SLC1A2: variants seen among roughly 807,000 people sequenced by gnomAD.
The protein encoded by SLC1A2 is solute carrier family 1 member 2.
A neutral mutation model predicts 48.8 loss-of-function variants in SLC1A2; 15 were observed. That is an observed-to-expected ratio of 0.31 (90% CI 0.21 to 0.47). The LOEUF (loss-of-function observed/expected upper bound fraction) is 0.47, where lower values mean the gene tolerates loss of function less well. SLC1A2 is among the 20% of genes least tolerant of loss of function. The probability of loss-of-function intolerance (pLI) is 0.99; values close to 1 mark genes in which losing one functional copy is unlikely to be tolerated. For synonymous variants in SLC1A2, 279 were observed against 272.6 expected, an observed-to-expected ratio of 1.02 and a Z score of -0.23; for missense variants, 502 against 730.5, an observed-to-expected ratio of 0.69 and a Z score of 3.61.
chr11:35,343,379 G>T (rs901495150), intron 1 of SLC1A2, among the ~76,000 whole-genome samples: 5 of 152,168 alleles, frequency 3.3e-5, no homozygotes, highest in African/African-American at 1.2e-4. Context: ...ACCATATTTG[G>T]TGTAAAAATG....
rs571698145 is a variant in SLC1A2 at position 35,282,821 on chromosome 11, C to T, written c.1287-1820G>A. ...CAAAGTCTTAGAAAGATAATTCTTC[C>T]TGGAAGTTGCTTTCCCCTCTTGTCC... On this transcript the variant is annotated intron_variant, in intron 8 of 10. Transcript: ENST00000278379. 3.3e-5 allele frequency among the ~76,000 whole-genome samples: 5 copies of T among 152,286 alleles called. No individual in the cohort carries two copies. The East Asian group carries it at 9.6e-4, about 29-fold the overall frequency.
intron 1 of SLC1A2, among the ~76,000 whole-genome samples, chr11:35,362,359 A>C (rs1853712553): frequency 6.6e-6 from 1 of 152,206 alleles, no homozygotes; most frequent in Non-Finnish European, 1.5e-5. Flanking sequence ...ACTGTTCTTC[A>C]GTTGGTTCCT....
intron 1 of SLC1A2, among the ~76,000 whole-genome samples, chr11:35,333,658 C>T (rs1852508759): frequency 6.6e-6 from 1 of 150,854 alleles, no homozygotes; most frequent in Admixed American, 6.6e-5. Context: ...GTAAGTTTTT[C>T]TTTCTCTTTT....
At position 35,317,469 on chromosome 11, in the gene SLC1A2, T is replaced by A. The variant is rs1245610941; in HGVS notation, c.65A>T (p.His22Leu). Residue 22 changes from histidine (H) to leucine (L), a missense_variant, in exon 2 of 11, where the codon CAT becomes CTT. His to Leu is a moderately conservative substitution (Grantham distance 99, BLOSUM62 -3). This residue lies in a region of SLC1A2 where 89 missense variants were observed against 119.7 expected (regional missense o/e 0.74). Coordinates refer to ENST00000278379, the MANE Select transcript of SLC1A2 (RefSeq NM_004171.4). Reference protein sequence around the residue: ...KQVEVRMHDSHLGSEEPKHRH... With the variant: ...KQVEVRMHDSLLGSEEPKHRH... ...GTGCTTGGGTTCCTCTGAGCCAAGA[T>A]GACTGTCGTGCATTCGCACTTCCAC... The A allele has an allele frequency of 2.5e-6, 4 of 1,614,196 alleles. No individual in the cohort carries two copies. The South Asian group carries it at 3.3e-5, about 13-fold the overall frequency.
intron 1 of SLC1A2, among the ~76,000 whole-genome samples, chr11:35,352,613 G>A (rs181035265): frequency 8.5e-5 from 13 of 152,256 alleles, no homozygotes; most frequent in African/African-American, 1.9e-4. Flanking sequence ...CAAAGGAGTG[G>A]CACAATTTCT....
At chr11:35,415,560 T>C (rs1273641495) in intron 1 of SLC1A2, among the ~76,000 whole-genome samples, 2 of 152,244 alleles carry the variant, frequency 1.3e-5, no homozygotes, top group Admixed American at 1.3e-4. Context: ...GTCCACGCTG[T>C]AGGGTCTTCC....
chr11:35,288,345 C>T (rs1306065951), intron 7 of SLC1A2, among the ~76,000 whole-genome samples: 1 of 152,174 alleles, frequency 6.6e-6, no homozygotes, highest in African/African-American at 2.4e-5. Context: ...TGTTGGGGGA[C>T]ATCTCATAAC....
At chr11:35,313,045 C>T (rs368687932) in intron 3 of SLC1A2, among the ~76,000 whole-genome samples, 9 of 152,130 alleles carry the variant, frequency 5.9e-5, no homozygotes, top group East Asian at 5.8e-4. Context: ...TTGAAGACAT[C>T]CCATTTTTAA....
At chr11:35,398,593 G>A (rs1855044577) in intron 1 of SLC1A2, among the ~76,000 whole-genome samples, 1 of 152,100 alleles carries the variant, frequency 6.6e-6, no homozygotes, top group Non-Finnish European at 1.5e-5. Context: ...GAAATAACCT[G>A]TATACCAAAC....
chr11:35,257,716 G>C lies in SLC1A2; in HGVS notation c.*3178C>G, dbSNP rs1950331896. 1 of 152,190 alleles carries C rather than the reference G, an allele frequency of 6.6e-6. No individual in the cohort carries two copies. Among genetic ancestry groups the C allele is most frequent in the Admixed American group, 6.5e-5 (1 of 15,278 alleles). 9.4% of individuals were successfully genotyped at this position (152,190 alleles called of 1,614,324 possible). On this transcript the variant is annotated 3_prime_UTR_variant, in exon 11 of 11. Coordinates refer to ENST00000278379, the MANE Select transcript of SLC1A2 (RefSeq NM_004171.4). ...TGGGTTTCTCAAAGGGCAAGAATGA[G>C]AAAGAGAAGAATTAAAGTCTACTTA... is the stretch of plus-strand genomic sequence containing the variant.
intron 1 of SLC1A2, chr11:35,380,211 A>C (rs1427761658): frequency 7.6e-6 from 3 of 396,228 alleles, no homozygotes; most frequent in Non-Finnish European, 8.9e-6. Context: ...TGCAATGCCA[A>C]TACCCTCAGC....
chr11:35,286,504 A>T (rs938670512), intron 8 of SLC1A2: 36 of 318,198 alleles, frequency 1.1e-4, no homozygotes, highest in African/African-American at 7.3e-4. Context: ...CCATCACAGG[A>T]TTGCTAAAAA....
chr11:35,413,246 C>T (rs1025543964), intron 1 of SLC1A2, among the ~76,000 whole-genome samples: 1 of 152,202 alleles, frequency 6.6e-6, no homozygotes, highest in South Asian at 2.1e-4. Flanking sequence ...TTAACCCCTG[C>T]CCTGCTGGAC....
intron 1 of SLC1A2, among the ~76,000 whole-genome samples, chr11:35,411,569 C>A (rs1462527229): frequency 6.6e-6 from 1 of 152,206 alleles, no homozygotes; most frequent in South Asian, 2.1e-4. Flanking sequence ...GATCCTCTCG[C>A]CTCAGCCTCC....
chr11:35,415,626 G>C (rs965580466), intron 1 of SLC1A2, among the ~76,000 whole-genome samples: 3 of 152,204 alleles, frequency 2.0e-5, no homozygotes, highest in African/African-American at 7.2e-5. Context: ...AATGGTTATG[G>C]TTTGCTTTTA....
Position 35,280,973 on chromosome 11 carries a change from C to T in SLC1A2, c.1315G>A (p.Ala439Thr), listed in dbSNP as rs775465170. ...SLTATLASVG[A>T]ASIPSAGLVT... ...AGCCCGGCACTGGGGATACTGGCCGCGCCGACGCTTGCCAGGGTGGCTGTG... is the reference window on the plus strand; with the variant it reads ...AGCCCGGCACTGGGGATACTGGCCGTGCCGACGCTTGCCAGGGTGGCTGTG... Residue 439 changes from alanine to threonine, a missense_variant, in exon 9 of 11, where the codon GCG (alanine) becomes ACG (threonine). Around this residue, in one of 4 missense-constraint regions of SLC1A2, gnomAD observed 309 missense variants for 480.3 expected, o/e 0.64. Coordinates refer to ENST00000278379, the MANE Select transcript of SLC1A2 (RefSeq NM_004171.4). 5.6e-6 allele frequency: 9 copies of T among 1,610,360 alleles called. No individual in the cohort carries two copies. Among genetic ancestry groups the T allele is most frequent in the Admixed American group, 1.7e-5 (1 of 59,636 alleles).
chr11:35,337,308 G>A (rs760148592), intron 1 of SLC1A2, among the ~76,000 whole-genome samples: 10 of 152,126 alleles, frequency 6.6e-5, no homozygotes, highest in South Asian at 2.1e-4. Context: ...CATGCTAAGC[G>A]AATAGAAATA....
At chr11:35,296,018 C>G (rs926849805) in intron 6 of SLC1A2, among the ~76,000 whole-genome samples, 6 of 152,292 alleles carry the variant, frequency 3.9e-5, no homozygotes, top group South Asian at 2.1e-4. Context: ...TAAACAAGCT[C>G]CCCAGGTAAT....
At chr11:35,266,146 A>G (rs1204988101) in intron 9 of SLC1A2, among the ~76,000 whole-genome samples, 1 of 152,134 alleles carries the variant, frequency 6.6e-6, no homozygotes, top group African/African-American at 2.4e-5. Flanking sequence ...GAGTACAGCA[A>G]CCCCTCCTGA....
Sources: allele counts gnomAD v4.1 joint callset (sites outside exome capture counted in the v4.1 genomes callset), GRCh38; gene constraint gnomAD v4.1.1; regional missense constraint gnomAD v4.1.1; transcripts MANE v1.5; gene names NCBI Gene and HGNC (gene_info 2026-07-23, HGNC 2026-07-21).